TPO: variants seen among roughly 807,000 people sequenced by gnomAD.
The protein encoded by TPO is thyroid microsomal antigen.
TPO carries 78 observed loss-of-function variants against 96.9 expected under a neutral mutation model. That is an observed-to-expected ratio of 0.81 (90% CI 0.67 to 0.97). TPO has a LOEUF of 0.97. Among genes scored for constraint, TPO ranks in the 50% least tolerant of loss-of-function variants. The probability of loss-of-function intolerance (pLI) is 0.00; values close to 1 mark genes in which losing one functional copy is unlikely to be tolerated. For synonymous variants in TPO, 547 were observed against 538.0 expected, an observed-to-expected ratio of 1.02 and a Z score of -0.23; for missense variants, 1,252 against 1,274.8, an observed-to-expected ratio of 0.98 and a Z score of 0.27.
intron 15 of TPO, among the ~76,000 whole-genome samples, chr2:1,520,619 C>T (rs929328979): frequency 5.3e-5 from 8 of 152,370 alleles, no homozygotes; most frequent in Admixed American, 1.3e-4. Context: ...ATCTACGATT[C>T]GGAGTTAACT....
rs1461372732 is a variant in TPO at position 1,496,503 on chromosome 2, C to T, written c.2216-92C>T. The T allele has an allele frequency of 5.7e-6, 9 of 1,571,226 alleles. No homozygotes were observed. The East Asian group carries it at 6.7e-5, about 12-fold the overall frequency. ...CTCCCCGGCCCTGGCACCAGCCCCT[C>T]CAGGGCACAAGCGCACCCGTGACAG... On this transcript the variant is annotated intron_variant, in intron 12 of 16. Coordinates refer to ENST00000329066, the MANE Select transcript of TPO (RefSeq NM_001206744.2).
Position 1,539,400 on chromosome 2 carries a change from G to A in TPO, c.2619-1194G>A, listed in dbSNP as rs534897072. On this transcript the variant is annotated intron_variant, in intron 15 of 16. Coordinates refer to ENST00000329066, the MANE Select transcript of TPO (RefSeq NM_001206744.2). ...CTCAAGCGACACCCCAGCCCCCCTC[G>A]GTGATCAGGCTGAAGCGATGACTAA... Among the ~76,000 whole-genome samples, 5 of 152,238 alleles carry A rather than the reference G, an allele frequency of 3.3e-5. No homozygotes were observed. In the East Asian group the frequency reaches 5.8e-4, roughly 18 times the overall value.
At chr2:1,460,128 G>C (rs994650232) in intron 7 of TPO, among the ~76,000 whole-genome samples, 32 of 151,986 alleles carry the variant, frequency 2.1e-4, no homozygotes, top group African/African-American at 7.7e-4. Context: ...TAGAGATGGG[G>C]TTTCATCGTG....
Position 1,458,392 on chromosome 2 carries a change from GAC to G in TPO, c.819+2112_819+2113del, listed in dbSNP as rs545779030. Among the ~76,000 whole-genome samples the G allele has an allele frequency of 5.9e-4, 89 of 151,910 alleles. 4 individuals carry two copies. The highest frequency in any genetic ancestry group is 1.8e-3 in the African/African-American group (76 of 41,274). ...GGGCACATGTGTATATGGCATATAAGACAGTTTGTGGACATGTGTGTATATGG... is the reference window on the plus strand; with the variant it reads ...GGGCACATGTGTATATGGCATATAAGAGTTTGTGGACATGTGTGTATATGG... On this transcript the variant is annotated intron_variant, in intron 7 of 16. Transcript: ENST00000329066.
intron 15 of TPO, among the ~76,000 whole-genome samples, chr2:1,537,064 G>GCCACTGTGTGCAACCTCACCAAATCCGT (rs1455982101): frequency 1.8e-4 from 3 of 16,566 alleles, no homozygotes; most frequent in African/African-American, 1.3e-3. Flanking sequence ...CCAAATCCCT[G>GCCACTGTGTGCAACCTCACCAAATCCGT]CCACTGTGTG....
At chr2:1,448,386 G>A (rs768813527) in intron 5 of TPO, among the ~76,000 whole-genome samples, 11 of 152,150 alleles carry the variant, frequency 7.2e-5, no homozygotes, top group Non-Finnish European at 8.8e-5. Flanking sequence ...CTCCCGACCC[G>A]AGGGTCGGCT....
intron 1 of TPO, among the ~76,000 whole-genome samples, chr2:1,379,265 A>C (rs1212956258): frequency 6.6e-6 from 1 of 151,490 alleles, no homozygotes; most frequent in Non-Finnish European, 1.5e-5. Flanking sequence ...AGGTCGCGCC[A>C]CTGCACTCCA....
Position 1,516,887 on chromosome 2 carries a change from C to T in TPO, c.2523C>T (p.Ser841=), listed in dbSNP as rs367751257. ...AGGCCTCTTTCTGTGCCCCAGACTCCGGGAGGCTCCCTCGGGTGACTTGGA... is the reference window on the plus strand; with the variant it reads ...AGGCCTCTTTCTGTGCCCCAGACTCTGGGAGGCTCCCTCGGGTGACTTGGA... ...LGDDGRTCVD[S]GRLPRVTWIS... The change falls in exon 15 of 17, where the codon TCC becomes TCT. Residue 841 remains serine (S), a synonymous_variant. Coordinates refer to ENST00000329066, the MANE Select transcript of TPO (RefSeq NM_001206744.2). The T allele has an allele frequency of 4.5e-5, 73 of 1,613,808 alleles. No homozygotes were observed. Among genetic ancestry groups the T allele is most frequent in the Non-Finnish European group, 5.4e-5 (64 of 1,180,042 alleles).
chr2:1,395,027 G>A (rs574291670), intron 1 of TPO, among the ~76,000 whole-genome samples: 3 of 105,458 alleles, frequency 2.8e-5, no homozygotes, highest in African/African-American at 1.9e-4. Context: ...GAGTTTTCTA[G>A]GATGAAAAAA....
chr2:1,541,228 CAGAGGGG>C, intron 16 of TPO: 1 of 1,117,146 alleles, frequency 9.0e-7, no homozygotes, highest in African/African-American at 1.6e-5. Context: ...CAGTGGCCTC[CAGAGGGG>C]AGTGGGGAGG....
rs1668796466 is a variant in TPO, at chr2:1,465,272, A to G, written c.819+8990A>G. On this transcript the variant is annotated intron_variant, in intron 7 of 16. Transcript: ENST00000329066. ...CATTGGTCTATGTGCTTATTTTTGT[A>G]CCAGTACTATGCTGTTTTGGTGACT... is the stretch of plus-strand genomic sequence containing the variant. 2.0e-5 allele frequency among the ~76,000 whole-genome samples: 3 copies of G among 152,256 alleles called. No homozygotes were observed. The South Asian group carries it at 6.2e-4, about 32-fold the overall frequency.
chr2:1,402,093 G>T lies in TPO; in HGVS notation n.180+27691G>T, dbSNP rs372890417. Among the ~76,000 whole-genome samples, 9 of 152,280 alleles carry T rather than the reference G, an allele frequency of 5.9e-5. No homozygotes were observed. The South Asian group carries it at 1.9e-3, about 32-fold the overall frequency. On this transcript the variant is annotated intron_variant and non_coding_transcript_variant, in intron 1 of 5. Coordinates refer to the TPO transcript ENST00000497517. ...CAGACTTCAGGATGAAAGGGCTGAC[G>T]GTTACCTCTGGCCACATCTCCATCC...
intron 1 of TPO, among the ~76,000 whole-genome samples, chr2:1,391,874 A>G (rs1421136247): frequency 1.3e-5 from 2 of 152,184 alleles, no homozygotes; most frequent in African/African-American, 4.8e-5. Flanking sequence ...TTGTATCCTG[A>G]GACTTTGCTG....
intron 14 of TPO, among the ~76,000 whole-genome samples, chr2:1,510,618 G>A (rs532182137): frequency 1.6e-4 from 24 of 152,244 alleles, no homozygotes; most frequent in African/African-American, 5.3e-4. Context: ...TCCTCCTCCC[G>A]GAGAGCACCC....
At chr2:1,497,898 CT>C (rs1273906732) in intron 13 of TPO, among the ~76,000 whole-genome samples, 1 of 150,364 alleles carries the variant, frequency 6.7e-6, no homozygotes, top group African/African-American at 2.5e-5. Context: ...TGAAAGAGTC[CT>C]GGAGCCAGTG....
chr2:1,532,375 G>A (rs11690812), intron 15 of TPO, among the ~76,000 whole-genome samples: 1,934 of 39,116 alleles, frequency 0.049, 36 homozygotes, highest in Non-Finnish European at 0.063. Flanking sequence ...CCCACAGTGC[G>A]CAACCTCCTC....
At chr2:1,377,986 C>T (rs905149742) in intron 1 of TPO, among the ~76,000 whole-genome samples, 3 of 152,170 alleles carry the variant, frequency 2.0e-5, no homozygotes, top group South Asian at 2.1e-4. Context: ...GGGTGGTTTC[C>T]CCGATACTGT....
intron 1 of TPO, among the ~76,000 whole-genome samples, chr2:1,407,199 CT>C (rs1323341535): frequency 6.6e-6 from 1 of 152,124 alleles, no homozygotes; most frequent in African/African-American, 2.4e-5. Flanking sequence ...TGTACTATTA[CT>C]TTCCAAATAC....
chr2:1,539,399 C>T (rs1325132822), intron 15 of TPO, among the ~76,000 whole-genome samples: 1 of 152,182 alleles, frequency 6.6e-6, no homozygotes, highest in Admixed American at 6.5e-5. Flanking sequence ...CAGCCCCCCT[C>T]GGTGATCAGG....
Sources: gnomAD v4.1 joint callset for allele counts (sites outside exome capture counted in the v4.1 genomes callset) on GRCh38, gnomAD v4.1.1 for gene constraint, MANE v1.5 for transcripts, NCBI Gene and HGNC (gene_info 2026-07-23, HGNC 2026-07-21) for gene names.